RASGEF1B: variants seen among roughly 807,000 people sequenced by gnomAD.
RASGEF1B encodes RasGEF domain family member 1B, also known as ras-GEF domain-containing family member 1B.
RASGEF1B carries 30 observed loss-of-function variants against 65.7 expected under a neutral mutation model. The observed-to-expected ratio is 0.46, with a 90% confidence interval of 0.34 to 0.62. The LOEUF (loss-of-function observed/expected upper bound fraction) is 0.62, where lower values mean the gene tolerates loss of function less well. RASGEF1B is among the 20% of genes least tolerant of loss of function. The probability of loss-of-function intolerance (pLI) is 0.01; values close to 1 mark genes in which losing one functional copy is unlikely to be tolerated. For synonymous variants in RASGEF1B, 175 were observed against 194.8 expected (o/e 0.90, Z 0.85); for missense variants, 495 against 580.1 (o/e 0.85, Z 1.51).
At chr4:81,468,318 T>C (rs1451272506) in intron 1 of RASGEF1B, among the ~76,000 whole-genome samples, 1 of 152,230 alleles carries the variant, frequency 6.6e-6, no homozygotes, top group East Asian at 1.9e-4. Flanking sequence ...CTGTGAGTTT[T>C]TGAAAAACTA....
chr4:81,446,673 GAGT>G (rs1722034161), intron 6 of RASGEF1B, among the ~76,000 whole-genome samples: 2 of 152,178 alleles, frequency 1.3e-5, no homozygotes, highest in Admixed American at 1.3e-4. Context: ...TTAGTAGGGT[GAGT>G]AACACATTGT....
intron 1 of RASGEF1B, among the ~76,000 whole-genome samples, chr4:81,469,694 C>T (rs987759428): frequency 2.0e-5 from 3 of 151,552 alleles, no homozygotes; most frequent in African/African-American, 7.3e-5. Context: ...CTATTAGATG[C>T]TAAGCTGTAG....
In RASGEF1B at chr4:81,426,981, CAAAAAAAAAAAAAA is replaced by C. The variant is rs546907988; in HGVS notation, c.*773_*786del. 58 of 34,262 alleles carry C rather than the reference CAAAAAAAAAAAAAA, an allele frequency of 1.7e-3. No homozygotes were observed. The highest frequency in any genetic ancestry group is 2.6e-3 in the Non-Finnish European group (46 of 17,690). 2.1% of individuals were successfully genotyped at this position (34,262 alleles called of 1,614,324 possible). A position where few individuals can be genotyped will look rare whatever the true frequency, so the allele number is the denominator to read the frequency against. On this transcript the variant is annotated 3_prime_UTR_variant, in exon 14 of 14. Transcript: ENST00000264400. ...GTCAGTTGTAAACAGCTCAGAAGAGCAAAAAAAAAAAAAAAAAAAAAAAAAAAAAGTCCTTCTAG... is the reference window on the plus strand; with the variant it reads ...GTCAGTTGTAAACAGCTCAGAAGAGCAAAAAAAAAAAAAAAGTCCTTCTAG...
At chr4:81,435,368 G>A (rs1273326198) in intron 10 of RASGEF1B, among the ~76,000 whole-genome samples, 21 of 130,878 alleles carry the variant, frequency 1.6e-4, no homozygotes, top group African/African-American at 4.9e-4. Flanking sequence ...CCGAGATTGC[G>A]CCACTGCAGT....
chr4:81,435,763 A>C (rs7658010), intron 10 of RASGEF1B, among the ~76,000 whole-genome samples: 67,391 of 139,180 alleles, frequency 0.48, 19,215 homozygotes, highest in African/African-American at 0.81. Flanking sequence ...GCGTGAGCCA[A>C]CGCGCCTGGC....
chr4:81,448,386 G>T, intron 4 of RASGEF1B, 102 bp from the exon 5 acceptor site: 1 of 1,017,066 alleles, frequency 9.8e-7, no homozygotes, highest in Non-Finnish European at 1.5e-6. Flanking sequence ...CTGGACATTG[G>T]AGAATAAACT....
rs113677987 is a variant in RASGEF1B at position 81,445,795 on chromosome 4, T to G, written c.773A>C (p.Tyr258Ser). The change falls in exon 7 of 14, where the codon TAC (tyrosine) becomes TCC (serine). Residue 258 changes from tyrosine to serine, a missense_variant. By Grantham distance (144) the Tyr-to-Ser change is moderately radical. Coordinates refer to ENST00000264400, the MANE Select transcript of RASGEF1B (RefSeq NM_152545.3). ...GCTGAGGCGATTAAACCATTCCACG[T>G]AAGCTTCTAAGTTTCGTGTTTTCTT... Reference protein sequence around the residue: ...ERKKTRNLEAYVEWFNRLSYL... With the variant: ...ERKKTRNLEASVEWFNRLSYL... 8.7e-6 allele frequency: 14 copies of G among 1,614,022 alleles called. No individual in the cohort carries two copies. Among genetic ancestry groups the G allele is most frequent in the Non-Finnish European group, 8.5e-7 (1 of 1,179,992 alleles).
At chr4:81,431,514 C>T (rs1721428293) in intron 13 of RASGEF1B, among the ~76,000 whole-genome samples, 1 of 152,038 alleles carries the variant, frequency 6.6e-6, no homozygotes, top group Admixed American at 6.6e-5. Flanking sequence ...GAAACAAACA[C>T]AACCACACAA....
chr4:81,434,815 A>C, intron 10 of RASGEF1B, 81 bp from the exon 11 acceptor site: 1 of 727,320 alleles, frequency 1.4e-6, no homozygotes, highest in Non-Finnish European at 2.4e-6. Flanking sequence ...TTAATGAACA[A>C]CATTAACTTT....
chr4:81,428,336 G>A (rs1721297596), intron 13 of RASGEF1B, among the ~76,000 whole-genome samples: 1 of 152,082 alleles, frequency 6.6e-6, no homozygotes, highest in African/African-American at 2.4e-5. Flanking sequence ...AAGTTTTCAG[G>A]TAGGTACAAT....
chr4:81,456,946 C>T (rs912050854), intron 3 of RASGEF1B, among the ~76,000 whole-genome samples, 158 bp from the exon 4 acceptor site: 1 of 152,086 alleles, frequency 6.6e-6, no homozygotes, highest in Admixed American at 6.5e-5. Context: ...ATGCCAAGTG[C>T]CACCAACTTA....
At chr4:81,449,595 A>AT (rs1271356348) in intron 4 of RASGEF1B, among the ~76,000 whole-genome samples, 1 of 152,218 alleles carries the variant, frequency 6.6e-6, no homozygotes, top group Non-Finnish European at 1.5e-5. Flanking sequence ...CTTAGGTTAA[A>AT]TCTCCAAAGG....
At chr4:81,444,058 C>T (rs1721937425) in intron 8 of RASGEF1B, among the ~76,000 whole-genome samples, 1 of 152,164 alleles carries the variant, frequency 6.6e-6, no homozygotes, top group South Asian at 2.1e-4. Context: ...TTCAGATACT[C>T]GTTAGCCATT....
intron 1 of RASGEF1B, among the ~76,000 whole-genome samples, chr4:81,469,011 CTTTAGG>C (rs890848389): frequency 6.6e-6 from 1 of 152,152 alleles, no homozygotes; most frequent in Non-Finnish European, 1.5e-5. Flanking sequence ...ACATCTGTCA[CTTTAGG>C]ATAAGCAAAG....
chr4:81,462,500 T>A (rs1055038841), intron 1 of RASGEF1B, among the ~76,000 whole-genome samples: 2 of 152,264 alleles, frequency 1.3e-5, no homozygotes, highest in Admixed American at 1.3e-4. Context: ...AAAGTTATGC[T>A]GCTAATTAGC....
intron 1 of RASGEF1B, among the ~76,000 whole-genome samples, chr4:81,462,306 T>C (rs1722675077): frequency 6.6e-6 from 1 of 152,186 alleles, no homozygotes; most frequent in African/African-American, 2.4e-5. Context: ...AGTATTTCTC[T>C]GAAGAGGTGC....
At chr4:81,442,504 C>A in intron 8 of RASGEF1B, 128 bp from the exon 9 acceptor site, 1 of 646,516 alleles carries the variant, frequency 1.5e-6, no homozygotes, top group South Asian at 1.9e-5. Context: ...AAGTAACAAA[C>A]TCCAATTTTA....
chr4:81,445,902 T>C, intron 6 of RASGEF1B, 64 bp from the exon 7 acceptor site: 1 of 1,198,822 alleles, frequency 8.3e-7, no homozygotes, highest in Non-Finnish European at 1.2e-6. Flanking sequence ...GACTCTCATT[T>C]TGTGAAATAC....
In RASGEF1B at chr4:81,440,870, T is replaced by G; in HGVS notation, c.1068A>C (p.Ala356=). Residue 356 remains alanine, a synonymous_variant, in exon 10 of 14, where the codon GCA becomes GCC. Coordinates refer to ENST00000264400, the MANE Select transcript of RASGEF1B (RefSeq NM_152545.3). ...YNYRTALRGA[A]QRSLTAHSSR... Reference sequence around the variant, plus strand: ...TACTATGAGCAGTTAAAGACCTTTGTGCTGCCCCACGAAGAGCTGTTCGAT... The same window carrying G: ...TACTATGAGCAGTTAAAGACCTTTGGGCTGCCCCACGAAGAGCTGTTCGAT... 2 of 1,613,404 alleles carry G rather than the reference T, an allele frequency of 1.2e-6. No homozygotes were observed. The highest frequency in any genetic ancestry group is 1.7e-6 in the Non-Finnish European group (2 of 1,179,498).
Sources: allele counts gnomAD v4.1 joint callset (sites outside exome capture counted in the v4.1 genomes callset), GRCh38; gene constraint gnomAD v4.1.1; transcripts MANE v1.5; gene names NCBI Gene and HGNC (gene_info 2026-07-23, HGNC 2026-07-21).